Variants in NAA25 observed in about 807,000 individuals in gnomAD.
The protein encoded by NAA25 is N-terminal acetyltransferase B complex subunit NAA25.
In NAA25, 30 loss-of-function variants were observed where a neutral mutation model predicts 132.5. The observed-to-expected ratio is 0.23, with a 90% CI of 0.17 to 0.31. The LOEUF (loss-of-function observed/expected upper bound fraction) is 0.31, where lower values mean the gene tolerates loss of function less well. NAA25 is among the 10% of genes least tolerant of loss of function. The probability of loss-of-function intolerance (pLI) is 1.00; values close to 1 mark genes in which losing one functional copy is unlikely to be tolerated. For missense variants in NAA25, 771 were observed against 1,150.4 expected (o/e 0.67, Z 4.77); for synonymous variants, 359 against 401.9 (o/e 0.89, Z 1.28).
At chr12:112,052,800 C>T (rs1593769356) in intron 15 of NAA25, among the ~76,000 whole-genome samples, 1 of 152,236 alleles carries the variant, frequency 6.6e-6, no homozygotes, top group African/African-American at 2.4e-5. Flanking sequence ...GGGCAGATAG[C>T]TGGCACAGCC....
At position 112,108,741 on chromosome 12, in the gene NAA25, G is replaced by C. The variant is rs1426238034; in HGVS notation, c.33C>G (p.Asn11Lys). Residue 11 changes from asparagine to lysine, a missense_variant, in exon 1 of 24, where the codon AAC becomes AAG. Physicochemically the swap from Asn to Lys is moderately conservative, Grantham distance 94. This residue lies in a region of NAA25 where 30 missense variants were observed against 16.6 expected (regional missense o/e 1.81). Transcript: ENST00000261745. MATRGHVQDP[N>K]DRRLRPIYDY... Reference sequence around the variant, plus strand: ...CGTAAATGGGCCGGAGGCGCCTGTCGTTAGGGTCCTGCACATGGCCCCGCG... The same window carrying C: ...CGTAAATGGGCCGGAGGCGCCTGTCCTTAGGGTCCTGCACATGGCCCCGCG... 6.5e-7 allele frequency: 1 copy of C among 1,530,336 alleles called. No individual in the cohort carries two copies. The highest frequency in any genetic ancestry group is 2.0e-5 in the Admixed American group (1 of 49,918). The allele number at this position is 1,530,336 out of a possible 1,614,324, so 94.8% of individuals were successfully genotyped here. A position where few individuals can be genotyped will look rare whatever the true frequency, so the allele number is the denominator to read the frequency against.
At chr12:112,052,659 T>G (rs898875481) in intron 15 of NAA25, among the ~76,000 whole-genome samples, 2 of 152,206 alleles carry the variant, frequency 1.3e-5, no homozygotes, top group Admixed American at 1.3e-4. Context: ...GAAGATAGAT[T>G]AGTCATCCTG....
chr12:112,081,192 A>G (rs1188300747), intron 4 of NAA25, 58 bp from the exon 5 acceptor site: 2 of 1,403,128 alleles, frequency 1.4e-6, no homozygotes, highest in Non-Finnish European at 2.0e-6. Flanking sequence ...GGGATTAATG[A>G]TCTAGATACA....
chr12:112,042,572 T>C (rs11066136), intron 19 of NAA25, among the ~76,000 whole-genome samples: 2,802 of 152,016 alleles, frequency 0.018, 95 homozygotes, highest in African/African-American at 0.062. Context: ...AGTGGTGCCA[T>C]CTCGGCTCAC....
intron 20 of NAA25, among the ~76,000 whole-genome samples, chr12:112,041,054 G>A (rs951012566): frequency 3.3e-4 from 50 of 151,928 alleles, no homozygotes; most frequent in Admixed American, 1.3e-3. Context: ...GGTGGTGCAC[G>A]CCAGTAGTCC....
intron 1 of NAA25, among the ~76,000 whole-genome samples, chr12:112,106,601 T>G (rs1333053911): frequency 1.3e-5 from 2 of 152,136 alleles, no homozygotes; most frequent in Admixed American, 1.3e-4. Context: ...ACCATCTGTG[T>G]GACCTCAGGC....
chr12:112,072,959 C>T (rs2078836790), intron 9 of NAA25, among the ~76,000 whole-genome samples: 1 of 150,952 alleles, frequency 6.6e-6, no homozygotes, highest in Non-Finnish European at 1.5e-5. Flanking sequence ...AAAGGCCAGG[C>T]ACGGTGGCTC....
rs1006590067 is a variant in NAA25, at chr12:112,073,234, C to CA, written c.867-1171dup. The stretch of plus-strand genomic sequence containing the variant: ...TAGGTGACAGAGTGAGACCCTGTCT[C>CA]AAAAAAAACAAAAATTAAAAATTAA... On this transcript the variant is annotated intron_variant, in intron 9 of 23. Transcript: ENST00000261745. 7.4e-5 allele frequency among the ~76,000 whole-genome samples: 11 copies of CA among 148,532 alleles called. No individual in the cohort carries two copies. In the South Asian group the frequency reaches 1.1e-3, roughly 14 times the overall value.
intron 4 of NAA25, among the ~76,000 whole-genome samples, chr12:112,086,172 G>T (rs1183465560): frequency 6.9e-6 from 1 of 144,520 alleles, no homozygotes; most frequent in Non-Finnish European, 1.5e-5. Flanking sequence ...TTAACAAAAT[G>T]TTATTAAATA....
chr12:112,089,918 C>T (rs925523643), intron 3 of NAA25, among the ~76,000 whole-genome samples: 1 of 151,036 alleles, frequency 6.6e-6, no homozygotes, highest in African/African-American at 2.4e-5. Flanking sequence ...TGCATGAACT[C>T]AGAAGGTGGA....
Position 112,087,815 on chromosome 12 carries a change from A to G in NAA25, c.284-14T>C. The G allele has an allele frequency of 6.6e-7, 1 of 1,526,124 alleles. No individual in the cohort carries two copies. Among genetic ancestry groups the G allele is most frequent in the Non-Finnish European group, 9.1e-7 (1 of 1,101,034 alleles). The allele number at this position is 1,526,124 out of a possible 1,614,324, so 94.5% of individuals were successfully genotyped here. A position where few individuals can be genotyped will look rare whatever the true frequency, so the allele number is the denominator to read the frequency against. Reference sequence around the variant, plus strand: ...TAACTAACTCCGCTAAGATAAAGAGAAATAAGATTTAAGTTATACTTCAAG... The same window carrying G: ...TAACTAACTCCGCTAAGATAAAGAGGAATAAGATTTAAGTTATACTTCAAG... On this transcript the variant is annotated splice_polypyrimidine_tract_variant and intron_variant, in intron 3 of 23. Transcript: ENST00000261745.
intron 4 of NAA25, among the ~76,000 whole-genome samples, chr12:112,083,573 G>C (rs1378480785): frequency 2.6e-5 from 4 of 151,962 alleles, no homozygotes. Context: ...ACATGATCTA[G>C]AGACGACAAG....
chr12:112,068,552 A>T (rs2078752785), intron 11 of NAA25, among the ~76,000 whole-genome samples: 1 of 152,186 alleles, frequency 6.6e-6, no homozygotes, highest in South Asian at 2.1e-4. Context: ...CAGATAAAGG[A>T]TATATGAGAT....
chr12:112,079,707 A>G (rs1003173034), intron 5 of NAA25, among the ~76,000 whole-genome samples: 3 of 152,086 alleles, frequency 2.0e-5, no homozygotes, highest in African/African-American at 7.2e-5. Context: ...CTTCCTCCCC[A>G]TCCTCTCCTA....
intron 15 of NAA25, among the ~76,000 whole-genome samples, chr12:112,052,629 C>T (rs1299827768): frequency 6.6e-6 from 1 of 152,154 alleles, no homozygotes; most frequent in Non-Finnish European, 1.5e-5. Context: ...TAATACAATA[C>T]ACCCTTAAAG....
chr12:112,106,121 T>C (rs1395742417), intron 1 of NAA25, among the ~76,000 whole-genome samples: 2 of 152,230 alleles, frequency 1.3e-5, no homozygotes, highest in Non-Finnish European at 1.5e-5. Context: ...CAGTTTATAC[T>C]AATCGCCTTA....
rs201323614 is a variant in NAA25 at position 112,038,019 on chromosome 12, AT to A, written c.2649+1209del. ...GATAAGTGGAAAACTTTGAATACTG[AT>A]TTTTTTTTCCTGAGACGGAGTCTCG... On this transcript the variant is annotated intron_variant, in intron 22 of 23. Transcript: ENST00000261745. Among the ~76,000 whole-genome samples the A allele has an allele frequency of 2.0e-5, 3 of 151,594 alleles. No homozygotes were observed. In the East Asian group the frequency reaches 5.8e-4, roughly 29 times the overall value.
Position 112,029,618 on chromosome 12 carries a change from C to A in NAA25, c.2832G>T (p.Lys944Asn). The change falls in exon 24 of 24, where the codon AAG (lysine) becomes AAT (asparagine). Residue 944 changes from lysine to asparagine, a missense_variant. Physicochemically the swap from Lys to Asn is moderately conservative, Grantham distance 94 (BLOSUM62 0). Around this residue, in one of 3 missense-constraint regions of NAA25, gnomAD observed 324 missense variants for 400.0 expected, o/e 0.81. Transcript: ENST00000261745. ...ERKFSKTVQGKVQSSYLHSLL... is the reference protein window; with the variant it reads ...ERKFSKTVQGNVQSSYLHSLL... ...GTGAGTGCAGATAACTGCTCTGCAC[C>A]TTCCCTTGCACAGTCTTTGAAAATT... is the stretch of plus-strand genomic sequence containing the variant. 6.2e-7 allele frequency: 1 copy of A among 1,613,890 alleles called. No individual in the cohort carries two copies. Among genetic ancestry groups the A allele is most frequent in the South Asian group, 1.1e-5 (1 of 91,062 alleles).
intron 13 of NAA25, among the ~76,000 whole-genome samples, chr12:112,057,074 G>C (rs964140650): frequency 1.3e-5 from 2 of 152,124 alleles, no homozygotes; most frequent in Non-Finnish European, 2.9e-5. Context: ...TGTAATCCCA[G>C]CTAGTCAGGA....
Sources: gnomAD v4.1 joint callset for allele counts (sites outside exome capture counted in the v4.1 genomes callset) on GRCh38, gnomAD v4.1.1 for gene constraint, gnomAD v4.1.1 regional missense constraint, MANE v1.5 for transcripts, NCBI Gene and HGNC (gene_info 2026-07-23, HGNC 2026-07-21) for gene names.